ADARB2: variants seen among roughly 807,000 people sequenced by gnomAD.
ADARB2 encodes inactive double-stranded RNA-specific editase B2.
A neutral mutation model predicts 62.2 loss-of-function variants in ADARB2; 25 were observed. The observed-to-expected ratio is 0.40, with a 90% CI of 0.29 to 0.56. The LOEUF (loss-of-function observed/expected upper bound fraction) is 0.56. Ranked by LOEUF, ADARB2 falls within the 20% of genes least tolerant of loss-of-function variation. The pLI is 0.43. For synonymous variants in ADARB2, 572 were observed against 500.8 expected, an observed-to-expected ratio of 1.14 and a Z score of -1.90; for missense variants, 1,071 against 1,077.4, an observed-to-expected ratio of 0.99 and a Z score of 0.08.
chr10:1,197,031 T>C (rs1032469763), intron 8 of ADARB2, among the ~76,000 whole-genome samples: 1 of 152,260 alleles, frequency 6.6e-6, no homozygotes, highest in African/African-American at 2.4e-5. Flanking sequence ...AATATTTCTG[T>C]AATGCTTATG....
At chr10:1,512,609 G>T (rs1370821167) in intron 1 of ADARB2, among the ~76,000 whole-genome samples, 1 of 152,216 alleles carries the variant, frequency 6.6e-6, no homozygotes, top group Admixed American at 6.5e-5. Flanking sequence ...ATGGAGAAGA[G>T]CTGGGATGCA....
At chr10:1,715,882 C>A (rs1486314012) in intron 1 of ADARB2, among the ~76,000 whole-genome samples, 1 of 152,214 alleles carries the variant, frequency 6.6e-6, no homozygotes, top group Admixed American at 6.5e-5. Flanking sequence ...GCACACCCTT[C>A]CGAACAGCAG....
intron 1 of ADARB2, among the ~76,000 whole-genome samples, chr10:1,653,374 T>C (rs374371242): frequency 2.6e-5 from 4 of 152,160 alleles, no homozygotes; most frequent in African/African-American, 9.6e-5. Context: ...AGGGTGTTGA[T>C]GACAGTCCAG....
chr10:1,394,814 C>T (rs1326539650), intron 1 of ADARB2: 3 of 456,654 alleles, frequency 6.6e-6, no homozygotes, highest in African/African-American at 6.0e-5. Context: ...GAGCTGCTTC[C>T]CCTCCCTGCT....
At chr10:1,293,656 G>A (rs1029906610) in intron 3 of ADARB2, among the ~76,000 whole-genome samples, 3 of 152,166 alleles carry the variant, frequency 2.0e-5, no homozygotes, top group Admixed American at 6.5e-5. Context: ...CTTTGACAAA[G>A]CTTCCTCTGG....
intron 4 of ADARB2, among the ~76,000 whole-genome samples, chr10:1,258,941 CA>C (rs1306430246): frequency 1.3e-5 from 2 of 152,282 alleles, no homozygotes; most frequent in East Asian, 3.9e-4. Flanking sequence ...GAAATTATAA[CA>C]AACTGTCTCT....
At chr10:1,456,586 C>T (rs1252680869) in intron 1 of ADARB2, among the ~76,000 whole-genome samples, 1 of 152,146 alleles carries the variant, frequency 6.6e-6, no homozygotes, top group Non-Finnish European at 1.5e-5. Flanking sequence ...GCCTCAGCAA[C>T]GATCCTGCAA....
intron 1 of ADARB2, among the ~76,000 whole-genome samples, chr10:1,656,495 G>T (rs763806769): frequency 1.3e-5 from 2 of 151,924 alleles, no homozygotes; most frequent in East Asian, 3.9e-4. Flanking sequence ...TGGTTGAGAG[G>T]TTGGGGGAAA....
intron 2 of ADARB2, among the ~76,000 whole-genome samples, chr10:1,371,942 C>G (rs2131855524): frequency 6.6e-6 from 1 of 152,160 alleles, no homozygotes; most frequent in South Asian, 2.1e-4. Context: ...CCATTTGACC[C>G]AGCAATTTTA....
At chr10:1,547,075 C>T (rs909900975) in intron 1 of ADARB2, among the ~76,000 whole-genome samples, 1 of 152,262 alleles carries the variant, frequency 6.6e-6, no homozygotes, top group Non-Finnish European at 1.5e-5. Context: ...CTTGGCTACA[C>T]AGACACAGGA....
chr10:1,593,424 C>G (rs1833289844), intron 1 of ADARB2, among the ~76,000 whole-genome samples: 1 of 152,270 alleles, frequency 6.6e-6, no homozygotes, highest in Admixed American at 6.5e-5. Context: ...GGTCGCCTCT[C>G]TGGTCCAACA....
At chr10:1,679,724 G>A (rs1051749630) in intron 1 of ADARB2, among the ~76,000 whole-genome samples, 10 of 152,166 alleles carry the variant, frequency 6.6e-5, no homozygotes, top group Admixed American at 3.3e-4. Context: ...CACACGCGGC[G>A]TCTAAGCCAC....
At chr10:1,687,299 T>A (rs1425334793) in intron 1 of ADARB2, among the ~76,000 whole-genome samples, 1 of 152,216 alleles carries the variant, frequency 6.6e-6, no homozygotes, top group Non-Finnish European at 1.5e-5. Context: ...GTGCTGGGAT[T>A]ACAGCTGTGA....
chr10:1,681,177 A>G (rs1834530887), intron 1 of ADARB2, among the ~76,000 whole-genome samples: 1 of 152,232 alleles, frequency 6.6e-6, no homozygotes, highest in Non-Finnish European at 1.5e-5. Flanking sequence ...GCCTGCAGAC[A>G]CACCTCCAAC....
At chr10:1,686,005 G>C (rs1259278870) in intron 1 of ADARB2, among the ~76,000 whole-genome samples, 1 of 152,242 alleles carries the variant, frequency 6.6e-6, no homozygotes, top group Non-Finnish European at 1.5e-5. Context: ...TCCCGGACTG[G>C]CTTCTGTTAA....
chr10:1,649,351 G>A (rs182375137), intron 1 of ADARB2, among the ~76,000 whole-genome samples: 1 of 152,202 alleles, frequency 6.6e-6, no homozygotes, highest in Non-Finnish European at 1.5e-5. Context: ...GCAATCTTCA[G>A]CATCGAGTAT....
intron 5 of ADARB2, among the ~76,000 whole-genome samples, chr10:1,240,993 G>C (rs1830915078): frequency 6.6e-6 from 1 of 152,234 alleles, no homozygotes; most frequent in South Asian, 2.1e-4. Context: ...AGTGTGGGCT[G>C]AGCACAGTGG....
rs767612552 is a variant in ADARB2 at position 1,363,796 on chromosome 10, C to T, written c.309G>A (p.Glu103=). The T allele has an allele frequency of 6.9e-6, 11 of 1,597,710 alleles. No homozygotes were observed. In the African/African-American group the frequency reaches 1.2e-4, roughly 18 times the overall value. ...APGAKRKRPL[E]EGNGGHLCKL... ...TGCACAAGTGGCCCCCATTCCCCTCCTCCAGCGGCCGCTTCCTCTTCGCGC... is the reference window on the plus strand; with the variant it reads ...TGCACAAGTGGCCCCCATTCCCCTCTTCCAGCGGCCGCTTCCTCTTCGCGC... Residue 103 remains glutamate (E), a synonymous_variant, in exon 3 of 10, where the codon GAG becomes GAA. Coordinates refer to ENST00000381312, the MANE Select transcript of ADARB2 (RefSeq NM_018702.4).
chr10:1,626,997 C>G (rs886084337), intron 1 of ADARB2, among the ~76,000 whole-genome samples: 11 of 152,012 alleles, frequency 7.2e-5, no homozygotes, highest in Non-Finnish European at 1.2e-4. Context: ...CTGACCCACT[C>G]AGGTCCCACC....
Sources: gnomAD v4.1 joint callset for allele counts (sites outside exome capture counted in the v4.1 genomes callset) on GRCh38, gnomAD v4.1.1 for gene constraint, MANE v1.5 for transcripts, NCBI Gene and HGNC (gene_info 2026-07-23, HGNC 2026-07-21) for gene names.